The following NTN4 variants were observed in gnomAD, a reference collection of about 807,000 sequenced individuals.
NTN4 encodes the protein netrin 4.
Under a neutral mutation model 73.6 loss-of-function variants are expected in NTN4, and 32 were observed. The observed-to-expected ratio is 0.44, with a 90% CI of 0.33 to 0.58. NTN4 has a LOEUF of 0.58. NTN4 is among the 20% of genes least tolerant of loss of function. NTN4 has a pLI of 0.04. For synonymous variants in NTN4, 258 were observed against 287.5 expected (o/e 0.90, Z 1.04); for missense variants, 654 against 798.3 (o/e 0.82, Z 2.18).
chr12:95,756,520 G>T (rs1364615364), intron 2 of NTN4, among the ~76,000 whole-genome samples: 1 of 152,126 alleles, frequency 6.6e-6, no homozygotes, highest in African/African-American at 2.4e-5. Context: ...ACAGCTCGGT[G>T]ACTAGGATTC....
chr12:95,714,865 A>ATTT (rs2078593986), intron 3 of NTN4, among the ~76,000 whole-genome samples: 1 of 152,226 alleles, frequency 6.6e-6, no homozygotes, highest in South Asian at 2.1e-4. Context: ...GTGACAAAAA[A>ATTT]TGAATTACTA....
At chr12:95,718,402 A>G (rs1209114300) in intron 3 of NTN4, among the ~76,000 whole-genome samples, 1 of 152,198 alleles carries the variant, frequency 6.6e-6, no homozygotes, top group African/African-American at 2.4e-5. Flanking sequence ...CATCAAGCAT[A>G]TGGGATGGAT....
chr12:95,741,967 T>C (rs2078830139), intron 2 of NTN4, among the ~76,000 whole-genome samples: 1 of 152,116 alleles, frequency 6.6e-6, no homozygotes, highest in African/African-American at 2.4e-5. Flanking sequence ...TCTGAATGAA[T>C]CATGGACCCC....
intron 5 of NTN4, 35 bp downstream of exon 5, chr12:95,710,406 A>G (rs199529557): frequency 4.1e-4 from 638 of 1,563,190 alleles, no homozygotes; most frequent in Non-Finnish European, 5.2e-4. Context: ...TCTTGTACAA[A>G]TCAGCCTATT....
chr12:95,790,237 C>T lies in NTN4; in HGVS notation c.55+18G>A, dbSNP rs2079198207. On this transcript the variant is annotated intron_variant, in intron 1 of 9. Coordinates refer to ENST00000343702, the MANE Select transcript of NTN4 (RefSeq NM_021229.4). This position sits in a 1 kb window ranked among gnomAD's most constrained non-coding sequence, Gnocchi z 6.5. ...GCAGCGAGGGAAGGGGTGGGGGCCC[C>T]GCCGCGTCACCACCCACCTGCGGCC... The T allele has an allele frequency of 1.3e-6, 2 of 1,529,900 alleles. No homozygotes were observed. Among genetic ancestry groups the T allele is most frequent in the African/African-American group, 1.4e-5 (1 of 70,392 alleles). 94.8% of individuals were successfully genotyped at this position (1,529,900 alleles called of 1,614,324 possible). A position where few individuals can be genotyped will look rare whatever the true frequency, so the allele number is the denominator to read the frequency against.
chr12:95,740,203 T>C (rs1439702644), intron 2 of NTN4, among the ~76,000 whole-genome samples: 1 of 152,196 alleles, frequency 6.6e-6, no homozygotes, highest in Non-Finnish European at 1.5e-5. Context: ...GGATCTACCC[T>C]GCGTCAGGAA....
chr12:95,735,936 TATTTA>T (rs2078774023), intron 3 of NTN4, among the ~76,000 whole-genome samples: 6 of 148,958 alleles, frequency 4.0e-5, no homozygotes, highest in African/African-American at 9.9e-5. Context: ...TTTATTTATT[TATTTA>T]TTTATTTATT....
At chr12:95,665,599 A>T in intron 9 of NTN4, 1 of 409,692 alleles carries the variant, frequency 2.4e-6, no homozygotes, top group Non-Finnish European at 4.3e-6. Flanking sequence ...TCTGGATTTT[A>T]AAATATTAAA....
chr12:95,701,420 T>A (rs186104418), intron 5 of NTN4, among the ~76,000 whole-genome samples: 6 of 149,884 alleles, frequency 4.0e-5, no homozygotes, highest in Admixed American at 3.3e-4. Flanking sequence ...TTTCAAAAAT[T>A]TTTTTTTCCT....
At chr12:95,698,069 T>C (rs576720999) in intron 5 of NTN4, among the ~76,000 whole-genome samples, 1 of 152,152 alleles carries the variant, frequency 6.6e-6, no homozygotes, top group Non-Finnish European at 1.5e-5. Context: ...GGGGTGTGCA[T>C]AGGTTATATG....
intron 2 of NTN4, among the ~76,000 whole-genome samples, chr12:95,760,095 T>G (rs1183688161): frequency 2.0e-5 from 3 of 152,220 alleles, no homozygotes; most frequent in South Asian, 2.1e-4. Flanking sequence ...TGTTTTGATA[T>G]GCAGTTAATT....
intron 3 of NTN4, among the ~76,000 whole-genome samples, chr12:95,728,850 A>G (rs1167034317): frequency 6.6e-6 from 1 of 152,202 alleles, no homozygotes; most frequent in Non-Finnish European, 1.5e-5. Flanking sequence ...GTTTAGCACC[A>G]TTCCCCTTGG....
At chr12:95,676,160 G>A (rs1160937553) in intron 7 of NTN4, among the ~76,000 whole-genome samples, 1 of 152,126 alleles carries the variant, frequency 6.6e-6, no homozygotes, top group Non-Finnish European at 1.5e-5. Flanking sequence ...CTGGAGTGCA[G>A]TAGCCTGATC....
intron 3 of NTN4, among the ~76,000 whole-genome samples, chr12:95,717,001 G>A (rs2078611097): frequency 6.6e-6 from 1 of 151,866 alleles, no homozygotes; most frequent in African/African-American, 2.4e-5. Flanking sequence ...GTAAAGATAG[G>A]GTTTCACTAC....
chr12:95,733,176 CTT>C (rs1168499970), intron 3 of NTN4, among the ~76,000 whole-genome samples: 2 of 152,234 alleles, frequency 1.3e-5, no homozygotes, highest in Non-Finnish European at 2.9e-5. Flanking sequence ...CATATTCCCT[CTT>C]ATTACCATTC....
intron 5 of NTN4, among the ~76,000 whole-genome samples, chr12:95,686,140 C>A (rs2078359415): frequency 1.3e-5 from 2 of 152,130 alleles, no homozygotes; most frequent in South Asian, 4.2e-4. Context: ...AATGCTCTTG[C>A]CTTGGCCTCC....
intron 7 of NTN4, among the ~76,000 whole-genome samples, chr12:95,681,242 A>G (rs1320627582): frequency 6.6e-6 from 1 of 151,398 alleles, no homozygotes; most frequent in Non-Finnish European, 1.5e-5. Context: ...ATTCTGAAAT[A>G]CTCAATATAT....
In NTN4 at chr12:95,790,224, G is replaced by A; in HGVS notation, c.55+31C>T. 1 of 1,524,474 alleles carries A rather than the reference G, an allele frequency of 6.6e-7. No homozygotes were observed. The highest frequency in any genetic ancestry group is 1.2e-5 in the South Asian group (1 of 81,754). 94.4% of individuals were successfully genotyped at this position (1,524,474 alleles called of 1,614,324 possible). ...ATGGGTTAGAGAAGCAGCGAGGGAAGGGGTGGGGGCCCCGCCGCGTCACCA... is the reference window on the plus strand; with the variant it reads ...ATGGGTTAGAGAAGCAGCGAGGGAAAGGGTGGGGGCCCCGCCGCGTCACCA... On this transcript the variant is annotated intron_variant, in intron 1 of 9. Coordinates refer to ENST00000343702, the MANE Select transcript of NTN4 (RefSeq NM_021229.4). The surrounding 1 kb of genome is among the most constrained non-coding windows in gnomAD (Gnocchi z 6.5).
chr12:95,710,508 G>A lies in NTN4; in HGVS notation c.1113C>T (p.Cys371=). The change falls in exon 5 of 10, where the codon TGC becomes TGT. Residue 371 remains cysteine (C), a synonymous_variant. Coordinates refer to ENST00000343702, the MANE Select transcript of NTN4 (RefSeq NM_021229.4). ...DCQHNTEGQY[C]QRCKPGFYRD... is the part of the protein sequence containing the mutation. ...GATAGAAGCCTGGCTTGCACCTCTGGCAATACTGTCCTTCTGTGTTGTGCT... is the reference window on the plus strand; with the variant it reads ...GATAGAAGCCTGGCTTGCACCTCTGACAATACTGTCCTTCTGTGTTGTGCT... 1 of 1,614,096 alleles carries A rather than the reference G, an allele frequency of 6.2e-7. No homozygotes were observed. The highest frequency in any genetic ancestry group is 1.6e-4 in the Middle Eastern group (1 of 6,062).
Sources: gnomAD v4.1 joint callset for allele counts (sites outside exome capture counted in the v4.1 genomes callset) on GRCh38, gnomAD v4.1.1 for gene constraint, Gnocchi (gnomAD v3.1) non-coding constraint, MANE v1.5 for transcripts, NCBI Gene and HGNC (gene_info 2026-07-23, HGNC 2026-07-21) for gene names.